Variants in SSBP2 observed in about 807,000 individuals in gnomAD.
SSBP2 encodes single-stranded DNA-binding protein 2.
SSBP2 carries 17 observed loss-of-function variants against 61.8 expected under a neutral mutation model. The observed-to-expected ratio is 0.28, with a 90% CI of 0.19 to 0.41. SSBP2 has a LOEUF of 0.41. Ranked by LOEUF, SSBP2 falls within the 10% of genes least tolerant of loss-of-function variation. SSBP2 has a pLI of 1.00. For missense variants in SSBP2, 310 were observed against 458.7 expected, an observed-to-expected ratio of 0.68 and a Z score of 2.96; for synonymous variants, 139 against 141.3, an observed-to-expected ratio of 0.98 and a Z score of 0.12.
intron 4 of SSBP2, among the ~76,000 whole-genome samples, chr5:81,595,053 A>G (rs1222305643): frequency 6.6e-6 from 1 of 152,206 alleles, no homozygotes; most frequent in Non-Finnish European, 1.5e-5. Context: ...TGAATCCAGG[A>G]GCTGGTTTTT....
intron 4 of SSBP2, among the ~76,000 whole-genome samples, chr5:81,515,067 T>C (rs188987848): frequency 1.2e-4 from 19 of 152,168 alleles, no homozygotes; most frequent in Non-Finnish European, 2.7e-4. Flanking sequence ...TATTGCTCTA[T>C]TGAGCTTTAT....
In SSBP2 at chr5:81,542,817, TTCTC is replaced by T. The variant is rs60252222; in HGVS notation, c.283-29104_283-29101del. ...ATGGTTTTTATAAGTATTTGACAGT[TTCTC>T]TCTCTCTCTCTCTCTCTCTCTCTCT... On this transcript the variant is annotated intron_variant, in intron 4 of 16. Transcript: ENST00000320672. 3.3e-3 allele frequency among the ~76,000 whole-genome samples: 348 copies of T among 106,776 alleles called. 2 individuals carry two copies. The highest frequency in any genetic ancestry group is 6.4e-3 in the East Asian group (27 of 4,220). 70.0% of individuals were successfully genotyped at this position (106,776 alleles called of 152,430 possible).
chr5:81,740,510 T>G (rs1756942743), intron 1 of SSBP2, among the ~76,000 whole-genome samples: 1 of 152,182 alleles, frequency 6.6e-6, no homozygotes, highest in South Asian at 2.1e-4. Context: ...GACTAGGTAA[T>G]AGAACCAATA....
chr5:81,530,863 AAGT>A (rs774926137), intron 4 of SSBP2, among the ~76,000 whole-genome samples: 16 of 152,040 alleles, frequency 1.1e-4, no homozygotes, highest in Non-Finnish European at 1.8e-4. Flanking sequence ...AACTTGCAAA[AAGT>A]AGGTATTCAA....
intron 16 of SSBP2, among the ~76,000 whole-genome samples, chr5:81,422,344 G>A (rs1429565677): frequency 6.6e-6 from 1 of 152,122 alleles, no homozygotes; most frequent in African/African-American, 2.4e-5. Context: ...GGACTCCCCA[G>A]GGAAGAGCAC....
chr5:81,600,932 A>G (rs1425780391), intron 4 of SSBP2, among the ~76,000 whole-genome samples: 3 of 152,214 alleles, frequency 2.0e-5, no homozygotes, highest in African/African-American at 7.2e-5. Flanking sequence ...AATATGCTGA[A>G]CAATACAGAA....
At chr5:81,719,039 A>C (rs1056929092) in intron 1 of SSBP2, among the ~76,000 whole-genome samples, 6 of 152,114 alleles carry the variant, frequency 3.9e-5, no homozygotes, top group African/African-American at 1.4e-4. Context: ...TAACAAGTAC[A>C]TTTTTGATAG....
intron 1 of SSBP2, among the ~76,000 whole-genome samples, chr5:81,748,305 C>G (rs560016467): frequency 6.6e-6 from 1 of 152,244 alleles, no homozygotes; most frequent in East Asian, 1.9e-4. Context: ...AATTTGCTTA[C>G]TAAAGGAGAA....
chr5:81,531,261 A>G (rs1406141822), intron 4 of SSBP2, among the ~76,000 whole-genome samples: 2 of 151,666 alleles, frequency 1.3e-5, no homozygotes, highest in Admixed American at 1.3e-4. Flanking sequence ...AAAAGAAAGA[A>G]GATAATTTCA....
chr5:81,610,049 G>A (rs187965618), intron 4 of SSBP2, among the ~76,000 whole-genome samples: 1 of 152,186 alleles, frequency 6.6e-6, no homozygotes, highest in Non-Finnish European at 1.5e-5. Context: ...TCTTGGATGC[G>A]GGACAAGAAC....
At chr5:81,432,602 C>T (rs1434262973) in intron 15 of SSBP2, among the ~76,000 whole-genome samples, 3 of 152,012 alleles carry the variant, frequency 2.0e-5, no homozygotes, top group Admixed American at 6.5e-5. Flanking sequence ...AAAAATTAGC[C>T]GGGTATGGTG....
chr5:81,570,509 G>C (rs1216281705), intron 4 of SSBP2, among the ~76,000 whole-genome samples: 2 of 152,112 alleles, frequency 1.3e-5, no homozygotes, highest in Non-Finnish European at 2.9e-5. Context: ...AAATCAGTCA[G>C]GAGAGAAATG....
chr5:81,446,918 G>A lies in SSBP2; in HGVS notation c.728C>T (p.Pro243Leu), dbSNP rs1763440337. Reference sequence around the variant, plus strand: ...TCCTGGTGGCCCTCCACCTCCTGGAGGACCCTAAATAATTATACAAAATTT... The same window carrying A: ...TCCTGGTGGCCCTCCACCTCCTGGAAGACCCTAAATAATTATACAAAATTT... Residue 243 changes from proline to leucine, a missense_variant, in exon 12 of 17, where the codon CCT becomes CTT. Pro to Leu is a moderately conservative substitution (Grantham distance 98, BLOSUM62 -3). Coordinates refer to ENST00000320672, the MANE Select transcript of SSBP2 (RefSeq NM_012446.5). 3 of 1,599,710 alleles carry A rather than the reference G, an allele frequency of 1.9e-6. No individual in the cohort carries two copies. Among genetic ancestry groups the A allele is most frequent in the Non-Finnish European group, 2.6e-6 (3 of 1,173,828 alleles).
chr5:81,420,344 T>G lies in SSBP2; in HGVS notation c.*160A>C, dbSNP rs10746. The G allele has an allele frequency of 0.2, 136,343 of 675,558 alleles. 15,277 individuals are homozygous for G. Among genetic ancestry groups the G allele is most frequent in the South Asian group, 0.23 (12,249 of 53,224 alleles). The allele number at this position is 675,558 out of a possible 1,614,324, so 41.8% of individuals were successfully genotyped here. On this transcript the variant is annotated 3_prime_UTR_variant, in exon 17 of 17. Transcript: ENST00000320672. ...TGTTTGAATCACATTTGGACCCGCT[T>G]TCTTCACAAAAGAGGGGAGAGAGCA...
chr5:81,581,377 C>T (rs952552266), intron 4 of SSBP2, among the ~76,000 whole-genome samples: 4 of 152,186 alleles, frequency 2.6e-5, no homozygotes, highest in Admixed American at 1.3e-4. Context: ...CGAAAAGTCA[C>T]TGTTAGCTCT....
At chr5:81,581,603 C>A (rs1347434310) in intron 4 of SSBP2, among the ~76,000 whole-genome samples, 1 of 152,100 alleles carries the variant, frequency 6.6e-6, no homozygotes, top group African/African-American at 2.4e-5. Context: ...TCAGTTGTAG[C>A]TCCTTATTGC....
At chr5:81,635,439 A>T (rs1402512467) in intron 3 of SSBP2, among the ~76,000 whole-genome samples, 1 of 152,196 alleles carries the variant, frequency 6.6e-6, no homozygotes, top group Non-Finnish European at 1.5e-5. Context: ...AAAGATGCCA[A>T]TCAGATTATT....
intron 1 of SSBP2, among the ~76,000 whole-genome samples, chr5:81,658,443 A>G (rs966555749): frequency 6.6e-6 from 1 of 152,136 alleles, no homozygotes; most frequent in Non-Finnish European, 1.5e-5. Flanking sequence ...ACAAAATGGC[A>G]TAGTATCTAC....
At chr5:81,513,775 A>G in intron 4 of SSBP2, 58 bp from the exon 5 acceptor site, 1 of 1,103,966 alleles carries the variant, frequency 9.1e-7, no homozygotes, top group Non-Finnish European at 1.4e-6. Context: ...ACAAAACCAA[A>G]GACTAATGAT....
Sources: gnomAD v4.1 joint callset for allele counts (sites outside exome capture counted in the v4.1 genomes callset) on GRCh38, gnomAD v4.1.1 for gene constraint, MANE v1.5 for transcripts, NCBI Gene and HGNC (gene_info 2026-07-23, HGNC 2026-07-21) for gene names.